The following TIAM1 variants were observed in gnomAD, a reference collection of about 807,000 sequenced individuals.
The protein encoded by TIAM1 is TIAM Rac1 associated GEF 1.
Under a neutral mutation model 163.5 loss-of-function variants are expected in TIAM1, and 65 were observed. The observed-to-expected ratio is 0.40, with a 90% CI of 0.33 to 0.49. The LOEUF is 0.49. TIAM1 is among the 20% of genes least tolerant of loss of function. The probability of loss-of-function intolerance (pLI) is 0.77; values close to 1 mark genes in which losing one functional copy is unlikely to be tolerated. For missense variants in TIAM1, 1,789 were observed against 2,044.7 expected, an observed-to-expected ratio of 0.87 and a Z score of 2.41; for synonymous variants, 833 against 810.1, an observed-to-expected ratio of 1.03 and a Z score of -0.48.
intron 12 of TIAM1, among the ~76,000 whole-genome samples, chr21:31,195,978 A>G (rs1428136863): frequency 6.6e-6 from 1 of 152,198 alleles, no homozygotes; most frequent in Non-Finnish European, 1.5e-5. Context: ...CTGTCAATAA[A>G]CAGACAATCT....
intron 1 of TIAM1, among the ~76,000 whole-genome samples, chr21:31,548,289 G>A (rs927169445): frequency 7.3e-5 from 11 of 151,658 alleles, no homozygotes; most frequent in Non-Finnish European, 1.5e-4. Flanking sequence ...TTACAGGTGT[G>A]TGCCACCACA....
chr21:31,225,992 A>C (rs762384658), intron 6 of TIAM1, 42 bp from the exon 7 acceptor site: 2 of 1,571,536 alleles, frequency 1.3e-6, no homozygotes, highest in Non-Finnish European at 1.7e-6. Context: ...GGCACCTCTT[A>C]GGAACTTAAG....
At chr21:31,130,096 G>GAAAAA in intron 25 of TIAM1, 117 bp downstream of exon 25, 2 of 555,676 alleles carry the variant, frequency 3.6e-6, no homozygotes, top group Non-Finnish European at 6.0e-6. Context: ...TAAGCATAGG[G>GAAAAA]AAAAAAAAAA....
rs752756769 is a variant in TIAM1 at position 31,252,131 on chromosome 21, G to T, written c.1022C>A (p.Thr341Asn). 1.2e-6 allele frequency: 2 copies of T among 1,612,388 alleles called. No homozygotes were observed. The highest frequency in any genetic ancestry group is 2.2e-5 in the South Asian group (2 of 91,090). The change falls in exon 5 of 28, where the codon ACC (threonine) becomes AAC (asparagine). Residue 341 changes from threonine to asparagine, a missense_variant. Coordinates refer to ENST00000541036, the MANE Select transcript of TIAM1 (RefSeq NM_001353694.2). The stretch of plus-strand genomic sequence containing the variant: ...TCGCCTGGACAGGAGGTCCGTGTCG[G>T]TAGTGGCCCCTTCAATCCCACTGTC... ...FADSGIEGAT[T>N]DTDLLSRRSN...
At chr21:31,206,600 G>C (rs1387037457) in intron 11 of TIAM1, among the ~76,000 whole-genome samples, 1 of 152,140 alleles carries the variant, frequency 6.6e-6, no homozygotes, top group East Asian at 1.9e-4. Flanking sequence ...AGCATTTGAT[G>C]CATTTTGAGG....
intron 2 of TIAM1, among the ~76,000 whole-genome samples, chr21:31,409,299 G>C (rs376864743): frequency 1.3e-5 from 2 of 151,796 alleles, no homozygotes; most frequent in Non-Finnish European, 2.9e-5. Flanking sequence ...TAGTAGAGAC[G>C]GGGTTTCACT....
At chr21:31,123,239 T>G (rs959020592) in intron 27 of TIAM1, among the ~76,000 whole-genome samples, 19 of 152,304 alleles carry the variant, frequency 1.2e-4, no homozygotes, top group African/African-American at 4.6e-4. Flanking sequence ...TGAAACAGGT[T>G]GAGTTCCCTG....
intron 2 of TIAM1, among the ~76,000 whole-genome samples, chr21:31,371,334 G>C (rs1316719675): frequency 1.3e-5 from 2 of 152,172 alleles, no homozygotes; most frequent in East Asian, 1.9e-4. Flanking sequence ...AGGCAGGAAG[G>C]GGGCTAAGAG....
At chr21:31,313,643 T>C (rs1487344326) in intron 2 of TIAM1, among the ~76,000 whole-genome samples, 1 of 152,206 alleles carries the variant, frequency 6.6e-6, no homozygotes, top group Non-Finnish European at 1.5e-5. Flanking sequence ...GGCGCAATCT[T>C]GGCTCACCGC....
chr21:31,222,641 G>A (rs1208645302), intron 8 of TIAM1, among the ~76,000 whole-genome samples: 1 of 133,956 alleles, frequency 7.5e-6, no homozygotes, highest in Non-Finnish European at 1.6e-5. Context: ...ATGTGTGTAT[G>A]TATGTGTGTG....
intron 2 of TIAM1, among the ~76,000 whole-genome samples, chr21:31,406,601 A>G (rs2077251545): frequency 1.3e-5 from 2 of 152,218 alleles, no homozygotes; most frequent in Non-Finnish European, 2.9e-5. Context: ...CGAATGCAAG[A>G]TAAAAGAAGG....
intron 1 of TIAM1, among the ~76,000 whole-genome samples, chr21:31,487,088 A>G (rs1185923979): frequency 2.0e-5 from 3 of 152,186 alleles, no homozygotes; most frequent in African/African-American, 4.8e-5. Flanking sequence ...GCTGCCCATC[A>G]GTTTTGTTCA....
intron 2 of TIAM1, among the ~76,000 whole-genome samples, chr21:31,436,361 G>A (rs956624589): frequency 3.3e-5 from 5 of 152,220 alleles, no homozygotes; most frequent in Non-Finnish European, 7.3e-5. Flanking sequence ...GCCAGAGCCA[G>A]GTGCGGTGGC....
At chr21:31,451,753 G>A (rs1264260733) in intron 2 of TIAM1, among the ~76,000 whole-genome samples, 2 of 145,560 alleles carry the variant, frequency 1.4e-5, no homozygotes, top group Admixed American at 6.8e-5. Flanking sequence ...GTGTGTGTGT[G>A]TGTGTGTGAG....
At chr21:31,366,464 C>G (rs1361518827) in intron 2 of TIAM1, among the ~76,000 whole-genome samples, 1 of 152,200 alleles carries the variant, frequency 6.6e-6, no homozygotes, top group Non-Finnish European at 1.5e-5. Flanking sequence ...CTCCTGGTTC[C>G]TTTTCTTTCC....
At chr21:31,453,543 A>C (rs1334016244) in intron 2 of TIAM1, among the ~76,000 whole-genome samples, 3 of 152,070 alleles carry the variant, frequency 2.0e-5, no homozygotes, top group East Asian at 3.9e-4. Context: ...AAATGCAAAA[A>C]TTAGCCGGGT....
chr21:31,276,207 T>G (rs1419548799), intron 3 of TIAM1, among the ~76,000 whole-genome samples: 1 of 152,182 alleles, frequency 6.6e-6, no homozygotes, highest in Non-Finnish European at 1.5e-5. Context: ...AAGTTTTCGC[T>G]AAATCGTTAC....
At chr21:31,241,047 GCT>G (rs1291120811) in intron 6 of TIAM1, among the ~76,000 whole-genome samples, 2 of 152,204 alleles carry the variant, frequency 1.3e-5, no homozygotes, top group Middle Eastern at 6.8e-3. Context: ...CCCTGCACAT[GCT>G]CTCTCTTGTC....
rs557429948 is a variant in TIAM1, at chr21:31,324,902, C to T, written c.-189+14341G>A. ...AGTACAGGGAAATGGTGAATACCTA[C>T]TCCATACCAGCATCCCTCAGTAGGA... On this transcript the variant is annotated intron_variant, in intron 2 of 27. Transcript: ENST00000541036. Among the ~76,000 whole-genome samples, 298 of 152,328 alleles carry T rather than the reference C, an allele frequency of 2.0e-3. 1 individual carries two copies. The highest frequency in any genetic ancestry group is 6.9e-3 in the African/African-American group (285 of 41,566).
Sources: gnomAD v4.1 joint callset for allele counts (sites outside exome capture counted in the v4.1 genomes callset) on GRCh38, gnomAD v4.1.1 for gene constraint, MANE v1.5 for transcripts, NCBI Gene and HGNC (gene_info 2026-07-23, HGNC 2026-07-21) for gene names.